ABCC1: variants seen among roughly 807,000 people sequenced by gnomAD.
The protein encoded by ABCC1 is ATP binding cassette subfamily C member 1 (ABCC1 blood group).
In ABCC1, 83 loss-of-function variants were observed where a neutral mutation model predicts 172.9. That is an observed-to-expected ratio of 0.48 (90% CI 0.40 to 0.58). The LOEUF is 0.58. ABCC1 is among the 20% of genes least tolerant of loss of function. The pLI is 0.00. For missense variants in ABCC1, 1,817 were observed against 2,002.7 expected (o/e 0.91, Z 1.77); for synonymous variants, 937 against 825.2 (o/e 1.14, Z -2.32).
chr16:16,014,201 C>T (rs764537642), intron 3 of ABCC1, among the ~76,000 whole-genome samples: 10 of 152,040 alleles, frequency 6.6e-5, no homozygotes, highest in Non-Finnish European at 8.8e-5. Flanking sequence ...ATCCCAGCAC[C>T]TTGGGAGGCC....
intron 15 of ABCC1, 26 bp downstream of exon 15, chr16:16,076,427 A>T (rs1429354483): frequency 6.3e-7 from 1 of 1,587,958 alleles, no homozygotes. Context: ...GACACACGTG[A>T]TGGTGTGGAG....
chr16:16,006,871 C>CGGTGGCGGTGGCGGTGGCGGGGGT (rs1555480299), intron 1 of ABCC1, among the ~76,000 whole-genome samples: 1 of 148,030 alleles, frequency 6.8e-6, no homozygotes, highest in African/African-American at 2.5e-5. Context: ...GTGGCGGTGG[C>CGGTGGCGGTGGCGGTGGCGGGGGT]GGTGGCGGTG....
chr16:16,112,792 T>C (rs1224804463), intron 22 of ABCC1, among the ~76,000 whole-genome samples: 1 of 152,232 alleles, frequency 6.6e-6, no homozygotes, highest in African/African-American at 2.4e-5. Flanking sequence ...TTTGAGTACT[T>C]CTGTATGCCA....
intron 11 of ABCC1, among the ~76,000 whole-genome samples, chr16:16,053,975 T>G (rs996356726): frequency 2.8e-5 from 4 of 143,784 alleles, no homozygotes; most frequent in African/African-American, 5.1e-5. Flanking sequence ...TATATGTGGG[T>G]TTTTTTTTTT....
chr16:15,983,008 A>G (rs748678696), intron 1 of ABCC1, among the ~76,000 whole-genome samples: 7 of 152,104 alleles, frequency 4.6e-5, no homozygotes, highest in African/African-American at 7.2e-5. Context: ...CATATAATGT[A>G]TAAGGTAACA....
intron 17 of ABCC1, among the ~76,000 whole-genome samples, chr16:16,084,259 C>T (rs1312027228): frequency 1.3e-5 from 2 of 152,182 alleles, no homozygotes; most frequent in African/African-American, 2.4e-5. Flanking sequence ...CATATCACCA[C>T]ACTCGGCTAA....
chr16:16,027,844 T>G (rs1483560906), intron 5 of ABCC1, among the ~76,000 whole-genome samples: 1 of 152,158 alleles, frequency 6.6e-6, no homozygotes, highest in Non-Finnish European at 1.5e-5. Flanking sequence ...AGTTTTATGT[T>G]TCCATATACC....
In ABCC1 at chr16:16,122,216, C is replaced by CT. The variant is rs746869533; in HGVS notation, c.3590+44dup. 34 of 1,601,596 alleles carry CT rather than the reference C, an allele frequency of 2.1e-5. No individual in the cohort carries two copies. The East Asian group carries it at 7.6e-4, about 36-fold the overall frequency. On this transcript the variant is annotated intron_variant, in intron 24 of 30. Coordinates refer to ENST00000399410, the MANE Select transcript of ABCC1 (RefSeq NM_004996.4). ...TGCAGGAGCGGGTGGAGGAGGCCGC[C>CT]TTAGCACCTTGTCTCTTTGCCTCGA...
At chr16:16,070,875 C>T (rs930975627) in intron 13 of ABCC1, among the ~76,000 whole-genome samples, 2 of 152,158 alleles carry the variant, frequency 1.3e-5, no homozygotes, top group African/African-American at 4.8e-5. Context: ...GCATGCATTT[C>T]TTCCTACATA....
chr16:16,013,086 TG>T (rs2047853764), intron 3 of ABCC1, among the ~76,000 whole-genome samples: 1 of 152,248 alleles, frequency 6.6e-6, no homozygotes, highest in Non-Finnish European at 1.5e-5. Context: ...GACTCTGAGC[TG>T]GGCTGGCCAA....
At chr16:16,044,797 T>C in intron 8 of ABCC1, 117 bp downstream of exon 8, 1 of 889,514 alleles carries the variant, frequency 1.1e-6, no homozygotes, top group Non-Finnish European at 1.7e-6. Context: ...CATAGCCAGA[T>C]GTCTCCATTT....
intron 13 of ABCC1, among the ~76,000 whole-genome samples, chr16:16,070,190 T>C (rs979467465): frequency 6.6e-6 from 1 of 151,312 alleles, no homozygotes; most frequent in Non-Finnish European, 1.5e-5. Context: ...AAAATCAGCC[T>C]GGGCAATGAG....
intron 1 of ABCC1, among the ~76,000 whole-genome samples, chr16:15,977,013 G>A (rs1189063490): frequency 4.6e-5 from 7 of 152,168 alleles, no homozygotes; most frequent in South Asian, 2.1e-4. Context: ...TGTGATGCCG[G>A]CTGGCCAGGA....
At chr16:16,110,604 G>C (rs1289745151) in intron 21 of ABCC1, among the ~76,000 whole-genome samples, 1 of 152,110 alleles carries the variant, frequency 6.6e-6, no homozygotes, top group Non-Finnish European at 1.5e-5. Flanking sequence ...AGTCAGGCTG[G>C]TCTCAAACTC....
intron 1 of ABCC1, among the ~76,000 whole-genome samples, chr16:15,967,598 T>A (rs215092): frequency 0.7 from 95,852 of 137,022 alleles, 33,728 homozygotes; most frequent in South Asian, 0.75. Flanking sequence ...TAATAATAAT[T>A]ATTATTATTA....
intron 11 of ABCC1, among the ~76,000 whole-genome samples, 178 bp downstream of exon 11, chr16:16,052,994 A>T (rs1219511750): frequency 2.0e-5 from 3 of 152,128 alleles, no homozygotes; most frequent in Non-Finnish European, 2.9e-5. Flanking sequence ...TGGGATTCTG[A>T]TTCACTTATT....
At chr16:15,979,325 T>A (rs925023824) in intron 1 of ABCC1, among the ~76,000 whole-genome samples, 5 of 151,792 alleles carry the variant, frequency 3.3e-5, no homozygotes, top group Non-Finnish European at 7.4e-5. Flanking sequence ...AAAAACAAAA[T>A]TTTTTTTCCA....
intron 7 of ABCC1, among the ~76,000 whole-genome samples, chr16:16,039,209 T>G (rs188352772): frequency 0.071 from 9,751 of 137,120 alleles, 462 homozygotes; most frequent in Non-Finnish European, 0.11. Context: ...GAGGAAGCTT[T>G]TGTGTGTGTG....
chr16:16,106,934 T>C, intron 21 of ABCC1, 61 bp downstream of exon 21: 1 of 1,600,706 alleles, frequency 6.2e-7, no homozygotes, highest in East Asian at 2.2e-5. Context: ...CACTGTGCAC[T>C]GGGCACTGTG....
Sources: gnomAD v4.1 joint callset for allele counts (sites outside exome capture counted in the v4.1 genomes callset) on GRCh38, gnomAD v4.1.1 for gene constraint, MANE v1.5 for transcripts, NCBI Gene and HGNC (gene_info 2026-07-23, HGNC 2026-07-21) for gene names.